The following GLO1 variants were observed in gnomAD, a reference collection of about 807,000 sequenced individuals.
GLO1 encodes glyoxalase I, also known as lactoylglutathione lyase.
In GLO1, 28 loss-of-function variants were observed where a neutral mutation model predicts 26.0. The observed-to-expected ratio is 1.08, with a 90% CI of 0.80 to 1.48. GLO1 has a LOEUF of 1.48. Ranked by LOEUF, GLO1 falls within the 40% of genes most tolerant of loss-of-function variation. GLO1 has a pLI of 0.00. For synonymous variants in GLO1, 78 were observed against 77.6 expected (o/e 1.00, Z -0.03); for missense variants, 225 against 224.8 (o/e 1.00, Z -0.01).
Position 38,703,074 on chromosome 6 carries a change from A to G in GLO1, c.-20T>C, listed in dbSNP as rs770864573. The G allele has an allele frequency of 6.3e-6, 9 of 1,438,572 alleles. No individual in the cohort carries two copies. The highest frequency in any genetic ancestry group is 6.8e-6 in the Non-Finnish European group (7 of 1,030,292). 89.1% of individuals were successfully genotyped at this position (1,438,572 alleles called of 1,614,324 possible). A position where few individuals can be genotyped will look rare whatever the true frequency, so the allele number is the denominator to read the frequency against. On this transcript the variant is annotated 5_prime_UTR_variant, in exon 1 of 6. Transcript: ENST00000373365. The stretch of plus-strand genomic sequence containing the variant: ...TGCCATGGCTGCGCTGCAGTATCAC[A>G]GACGACGGGACCCAAGGAACGGAGG...
In GLO1 at chr6:38,682,016, ATC is replaced by A; in HGVS notation, c.460_461del (p.Asp154Ter). On this transcript the variant is annotated frameshift_variant, in exon 5 of 6. Transcript: ENST00000373365. LOFTEE classifies it high-confidence loss of function. ...ELGVKFVKKP[D>X]DGKMKGLAFI... ...CACAGTAAGTAGTAGACTCACCATC[ATC>A]AGGTTTCTTCACAAATTTGACTCCC... 6.8e-7 allele frequency: 1 copy of A among 1,477,688 alleles called. No homozygotes were observed. Among genetic ancestry groups the A allele is most frequent in the Non-Finnish European group, 9.5e-7 (1 of 1,055,378 alleles). The allele number at this position is 1,477,688 out of a possible 1,614,324, so 91.5% of individuals were successfully genotyped here. A position where few individuals can be genotyped will look rare whatever the true frequency, so the allele number is the denominator to read the frequency against.
chr6:38,678,521 G>A (rs1379400874), intron 5 of GLO1, among the ~76,000 whole-genome samples: 1 of 152,226 alleles, frequency 6.6e-6, no homozygotes, highest in Non-Finnish European at 1.5e-5. Flanking sequence ...TGGGCTGTGT[G>A]GGAGGTGGTA....
intron 2 of GLO1, among the ~76,000 whole-genome samples, chr6:38,685,143 C>T (rs1761443732): frequency 6.6e-6 from 1 of 152,146 alleles, no homozygotes; most frequent in Non-Finnish European, 1.5e-5. Context: ...AGTGGGGAAG[C>T]ATCAGCTGGA....
At position 38,682,182 on chromosome 6, in the gene GLO1, C is replaced by T; in HGVS notation, c.377-81G>A. ...GTGTCCAAGTACCACAAGTAGATTC[C>T]AAAACTTGTTTATTTCAAAACATAA... On this transcript the variant is annotated intron_variant, in intron 4 of 5. Coordinates refer to ENST00000373365, the MANE Select transcript of GLO1 (RefSeq NM_006708.3). 2 of 814,320 alleles carry T rather than the reference C, an allele frequency of 2.5e-6. 1 individual carries two copies. The allele number at this position is 814,320 out of a possible 1,614,324, so 50.4% of individuals were successfully genotyped here.
chr6:38,696,499 C>G (rs981098020), intron 1 of GLO1, among the ~76,000 whole-genome samples: 6 of 152,190 alleles, frequency 3.9e-5, no homozygotes, highest in African/African-American at 1.2e-4. Context: ...TAGTGTCTGT[C>G]CTCATAGATG....
At chr6:38,698,803 G>A (rs534597081) in intron 1 of GLO1, among the ~76,000 whole-genome samples, 1 of 151,922 alleles carries the variant, frequency 6.6e-6, no homozygotes, top group East Asian at 1.9e-4. Context: ...AGATGCAAAT[G>A]ATCAAAAAAC....
intron 3 of GLO1, among the ~76,000 whole-genome samples, chr6:38,683,670 G>A (rs888082506): frequency 2.0e-5 from 3 of 151,872 alleles, no homozygotes; most frequent in Admixed American, 1.3e-4. Context: ...GACAGATCAC[G>A]AGGTCAGGAG....
intron 1 of GLO1, among the ~76,000 whole-genome samples, chr6:38,699,782 C>A (rs1034892156): frequency 6.6e-6 from 1 of 152,084 alleles, no homozygotes; most frequent in Middle Eastern, 3.2e-3. Context: ...TCTCTGCTCT[C>A]GAACCCTGTT....
intron 1 of GLO1, among the ~76,000 whole-genome samples, chr6:38,696,513 C>A (rs958426303): frequency 1.3e-5 from 2 of 152,180 alleles, no homozygotes; most frequent in Admixed American, 6.5e-5. Context: ...ATAGATGGTA[C>A]CTTTGCACTG....
intron 5 of GLO1, among the ~76,000 whole-genome samples, chr6:38,678,647 C>A (rs1360699159): frequency 6.6e-6 from 1 of 152,172 alleles, no homozygotes; most frequent in Non-Finnish European, 1.5e-5. Context: ...GTTCAGATGT[C>A]CTTACCAGTA....
chr6:38,681,684 T>C (rs1322963619), intron 5 of GLO1, among the ~76,000 whole-genome samples: 1 of 152,172 alleles, frequency 6.6e-6, no homozygotes, highest in African/African-American at 2.4e-5. Context: ...GAACTTATTT[T>C]TGGGCGGAAA....
At chr6:38,695,566 T>C (rs567855599) in intron 1 of GLO1, among the ~76,000 whole-genome samples, 2 of 152,222 alleles carry the variant, frequency 1.3e-5, no homozygotes, top group Non-Finnish European at 2.9e-5. Flanking sequence ...TCCATTGATA[T>C]GGCAAGAGGG....
Position 38,677,150 on chromosome 6 carries a change from C to A in GLO1, c.*145G>T. The stretch of plus-strand genomic sequence containing the variant: ...GACTGAACAGTTAGGTGAAAAGGAA[C>A]AGCTGAAATAGGAAGGGGAAATGGA... On this transcript the variant is annotated 3_prime_UTR_variant, in exon 6 of 6. Transcript: ENST00000373365. 1 of 656,724 alleles carries A rather than the reference C, an allele frequency of 1.5e-6. No homozygotes were observed. The allele number at this position is 656,724 out of a possible 1,614,324, so 40.7% of individuals were successfully genotyped here.
intron 1 of GLO1, among the ~76,000 whole-genome samples, chr6:38,697,177 T>C (rs1259722557): frequency 6.6e-6 from 1 of 152,180 alleles, no homozygotes; most frequent in Admixed American, 6.5e-5. Context: ...TCTCCCAAAG[T>C]GCTGGGATTA....
At chr6:38,686,026 G>A (rs1761455696) in intron 2 of GLO1, among the ~76,000 whole-genome samples, 1 of 152,148 alleles carries the variant, frequency 6.6e-6, no homozygotes, top group African/African-American at 2.4e-5. Flanking sequence ...GAAGTGCCTG[G>A]CAAAAGTGTT....
At chr6:38,680,107 G>C (rs950228071) in intron 5 of GLO1, among the ~76,000 whole-genome samples, 2 of 152,144 alleles carry the variant, frequency 1.3e-5, no homozygotes, top group Non-Finnish European at 2.9e-5. Flanking sequence ...TATGCAAAAA[G>C]AAAATAGAAG....
intron 1 of GLO1, among the ~76,000 whole-genome samples, chr6:38,696,976 T>C (rs907145539): frequency 6.6e-6 from 1 of 151,158 alleles, no homozygotes; most frequent in Admixed American, 6.6e-5. Context: ...TGGAGTGCAA[T>C]GGCACGATCT....
chr6:38,693,705 ATTTGT>A (rs1358762584), intron 1 of GLO1, among the ~76,000 whole-genome samples: 3 of 134,250 alleles, frequency 2.2e-5, no homozygotes, highest in East Asian at 2.2e-4. Flanking sequence ...ATATATATAT[ATTTGT>A]TTTGTTTTGT....
intron 1 of GLO1, among the ~76,000 whole-genome samples, chr6:38,693,222 A>T (rs1761556078): frequency 6.6e-6 from 1 of 152,200 alleles, no homozygotes; most frequent in East Asian, 1.9e-4. Context: ...GACTCATCAT[A>T]TTAGTTCATA....
Sources: gnomAD v4.1 joint callset for allele counts (sites outside exome capture counted in the v4.1 genomes callset) on GRCh38, gnomAD v4.1.1 for gene constraint, MANE v1.5 for transcripts, NCBI Gene and HGNC (gene_info 2026-07-23, HGNC 2026-07-21) for gene names.